SPTLC3: variants seen among roughly 807,000 people sequenced by gnomAD.
SPTLC3 encodes the protein serine palmitoyltransferase long chain base subunit 3, also known as serine palmitoyltransferase 3.
In SPTLC3, 36 loss-of-function variants were observed where a neutral mutation model predicts 59.3. The ratio of observed to expected loss-of-function variants is 0.61; its 90% CI spans 0.47 to 0.80. The LOEUF (loss-of-function observed/expected upper bound fraction) is 0.80, where lower values mean the gene tolerates loss of function less well. SPTLC3 is among the 30% of genes least tolerant of loss of function. The pLI is 0.00. For missense variants in SPTLC3, 625 were observed against 685.1 expected, an observed-to-expected ratio of 0.91 and a Z score of 0.98; for synonymous variants, 257 against 240.8, an observed-to-expected ratio of 1.07 and a Z score of -0.62.
intron 1 of SPTLC3, among the ~76,000 whole-genome samples, chr20:13,029,591 T>A (rs1986326615): frequency 1.3e-5 from 2 of 152,204 alleles, no homozygotes; most frequent in Admixed American, 6.5e-5. Context: ...AGCAAATTAA[T>A]AAATTGTTGT....
intron 1 of SPTLC3, among the ~76,000 whole-genome samples, chr20:13,038,521 G>A (rs573263652): frequency 2.6e-5 from 4 of 152,212 alleles, no homozygotes; most frequent in Admixed American, 2.6e-4. Flanking sequence ...AAGAACAGCA[G>A]CAATGTCCCT....
At chr20:13,114,007 T>C (rs1458188922) in intron 7 of SPTLC3, among the ~76,000 whole-genome samples, 2 of 152,220 alleles carry the variant, frequency 1.3e-5, no homozygotes, top group African/African-American at 4.8e-5. Context: ...TTAGATTACT[T>C]GCCCCAGGAC....
intron 7 of SPTLC3, among the ~76,000 whole-genome samples, chr20:13,116,590 TTA>T (rs1383276852): frequency 6.6e-6 from 1 of 152,242 alleles, no homozygotes; most frequent in African/African-American, 2.4e-5. Flanking sequence ...CTTTGTTAAT[TTA>T]GAGCATTTCT....
At chr20:13,091,019 T>C in intron 4 of SPTLC3, 64 bp from the exon 5 acceptor site, 3 of 1,596,306 alleles carry the variant, frequency 1.9e-6, no homozygotes, top group Non-Finnish European at 2.6e-6. Context: ...TACTGGAATT[T>C]GAGTTTTCAA....
intron 2 of SPTLC3, among the ~76,000 whole-genome samples, chr20:13,067,447 C>A (rs1988265629): frequency 6.6e-6 from 1 of 152,092 alleles, no homozygotes. Flanking sequence ...GTTTAATTTC[C>A]CCAGTGATCA....
At chr20:13,111,566 T>C (rs1990235001) in intron 7 of SPTLC3, among the ~76,000 whole-genome samples, 1 of 152,218 alleles carries the variant, frequency 6.6e-6, no homozygotes, top group Admixed American at 6.5e-5. Context: ...AGGCCTTAAC[T>C]TGCAATTTTA....
At chr20:13,073,819 A>G (rs531627162) in intron 3 of SPTLC3, 5 of 593,060 alleles carry the variant, frequency 8.4e-6, no homozygotes, top group South Asian at 1.5e-5. Flanking sequence ...GTTGGCCCCA[A>G]CTCAGTTTGG....
intron 1 of SPTLC3, among the ~76,000 whole-genome samples, chr20:13,036,677 A>G (rs1166953618): frequency 6.6e-6 from 1 of 152,078 alleles, no homozygotes; most frequent in African/African-American, 2.4e-5. Flanking sequence ...CATGTTGTTC[A>G]AGGGTCAATG....
At chr20:13,109,595 G>A (rs1370701450) in intron 6 of SPTLC3, among the ~76,000 whole-genome samples, 1 of 152,120 alleles carries the variant, frequency 6.6e-6, no homozygotes, top group East Asian at 1.9e-4. Flanking sequence ...CAAATATTTT[G>A]AAAAAGAGGC....
intron 9 of SPTLC3, among the ~76,000 whole-genome samples, chr20:13,144,856 G>A (rs2038471896): frequency 6.6e-6 from 1 of 152,212 alleles, no homozygotes; most frequent in African/African-American, 2.4e-5. Flanking sequence ...CTCACTGCAA[G>A]CTCCGCCTCC....
At chr20:13,104,334 CG>C (rs1282415381) in intron 6 of SPTLC3, among the ~76,000 whole-genome samples, 1 of 152,068 alleles carries the variant, frequency 6.6e-6, no homozygotes, top group African/African-American at 2.4e-5. Flanking sequence ...ATTATGGGGG[CG>C]GTTCCCCCTA....
At chr20:13,055,400 A>G (rs994462927) in intron 2 of SPTLC3, among the ~76,000 whole-genome samples, 2 of 152,050 alleles carry the variant, frequency 1.3e-5, no homozygotes, top group Non-Finnish European at 2.9e-5. Context: ...AGTGATCTCC[A>G]TGGCCCCTAA....
chr20:13,112,678 C>T (rs1374909612), intron 7 of SPTLC3, among the ~76,000 whole-genome samples: 1 of 152,180 alleles, frequency 6.6e-6, no homozygotes, highest in Non-Finnish European at 1.5e-5. Flanking sequence ...ATTTCACCCA[C>T]ACAGGAATGT....
chr20:13,009,223 G>A lies in SPTLC3; in HGVS notation c.-45G>A. 1 of 1,529,204 alleles carries A rather than the reference G, an allele frequency of 6.5e-7. No homozygotes were observed. Among genetic ancestry groups the A allele is most frequent in the Non-Finnish European group, 9.1e-7 (1 of 1,104,042 alleles). The allele number at this position is 1,529,204 out of a possible 1,614,324, so 94.7% of individuals were successfully genotyped here. ...CAGACTGAAAACTAAAGCCTGCAGA[G>A]ACCTCTGAAGGAAAACCTGTCCCGG... On this transcript the variant is annotated 5_prime_UTR_variant, in exon 1 of 12. Coordinates refer to ENST00000399002, the MANE Select transcript of SPTLC3 (RefSeq NM_018327.4).
At chr20:13,109,275 C>A (rs774182489) in intron 6 of SPTLC3, among the ~76,000 whole-genome samples, 2 of 152,188 alleles carry the variant, frequency 1.3e-5, no homozygotes, top group Admixed American at 6.5e-5. Context: ...TCTACATCAC[C>A]ATTTCATTTG....
chr20:13,039,958 A>G (rs1302710848), intron 1 of SPTLC3, among the ~76,000 whole-genome samples: 1 of 152,054 alleles, frequency 6.6e-6, no homozygotes, highest in Admixed American at 6.6e-5. Context: ...CAACAGTACA[A>G]TCTTATAAAT....
Position 13,126,712 on chromosome 20 carries a change from C to T in SPTLC3, c.1274C>T (p.Thr425Ile), listed in dbSNP as rs1248896535. Reference protein sequence around the residue: ...LKLIMGLDGTTQGLQRVQQLA... With the variant: ...LKLIMGLDGTIQGLQRVQQLA... ...CTTATCATGGGACTGGATGGGACCACTCAAGGTAAGAGGATCTGCAGAGAG... is the reference window on the plus strand; with the variant it reads ...CTTATCATGGGACTGGATGGGACCATTCAAGGTAAGAGGATCTGCAGAGAG... The change falls in exon 9 of 12, where the codon ACT becomes ATT. Residue 425 changes from threonine to isoleucine, a missense_variant. Thr to Ile is a moderately conservative substitution (Grantham distance 89). Coordinates refer to ENST00000399002, the MANE Select transcript of SPTLC3 (RefSeq NM_018327.4). 2 of 1,613,812 alleles carry T rather than the reference C, an allele frequency of 1.2e-6. No homozygotes were observed. The highest frequency in any genetic ancestry group is 1.3e-5 in the African/African-American group (1 of 74,916).
At chr20:13,164,530 T>C in intron 11 of SPTLC3, 1 of 573,384 alleles carries the variant, frequency 1.7e-6, no homozygotes, top group Non-Finnish European at 3.2e-6. Context: ...TAAACATTCA[T>C]AGTATGGAGT....
At chr20:13,080,435 G>A (rs1988799691) in intron 4 of SPTLC3, among the ~76,000 whole-genome samples, 1 of 148,418 alleles carries the variant, frequency 6.7e-6, no homozygotes, top group South Asian at 2.1e-4. Flanking sequence ...TTGAACCCGG[G>A]AGTCAGAGGT....
Sources: gnomAD v4.1 joint callset for allele counts (sites outside exome capture counted in the v4.1 genomes callset) on GRCh38, gnomAD v4.1.1 for gene constraint, MANE v1.5 for transcripts, NCBI Gene and HGNC (gene_info 2026-07-23, HGNC 2026-07-21) for gene names.